The following MCF2L variants were observed in gnomAD, a reference collection of about 807,000 sequenced individuals.
The protein encoded by MCF2L is guanine nucleotide exchange factor DBS.
In MCF2L, 97 loss-of-function variants were observed where a neutral mutation model predicts 153.4. That is an observed-to-expected ratio of 0.63 (90% CI 0.54 to 0.75). MCF2L has a LOEUF of 0.75. Ranked by LOEUF, MCF2L falls within the 30% of genes least tolerant of loss-of-function variation. The pLI, the probability that MCF2L is intolerant of heterozygous loss-of-function variation, is 0.00. For synonymous variants in MCF2L, 659 were observed against 632.2 expected (o/e 1.04, Z -0.64); for missense variants, 1,347 against 1,495.2 (o/e 0.90, Z 1.64).
intron 26 of MCF2L, among the ~76,000 whole-genome samples, chr13:113,091,440 C>T (rs1002299134): frequency 9.2e-5 from 14 of 152,374 alleles, no homozygotes; most frequent in African/African-American, 3.1e-4. Context: ...CCCACCCCGT[C>T]GGTGGCTGCT....
At chr13:112,897,374 C>T (rs1330654349) in intron 1 of MCF2L, among the ~76,000 whole-genome samples, 1 of 152,150 alleles carries the variant, frequency 6.6e-6, no homozygotes, top group Non-Finnish European at 1.5e-5. Context: ...CCCCAGCCGG[C>T]TCTGCGGGGT....
chr13:113,044,477 C>CT (rs751050173), intron 3 of MCF2L: 450 of 664,778 alleles, frequency 6.8e-4, no homozygotes, highest in Non-Finnish European at 8.9e-4. Context: ...TCATGTAAAC[C>CT]TAGGACATGT....
intron 2 of MCF2L, among the ~76,000 whole-genome samples, chr13:112,912,505 CG>C (rs1469335218): frequency 1.3e-5 from 2 of 151,940 alleles, no homozygotes; most frequent in African/African-American, 4.8e-5. Flanking sequence ...TTAGTAGAGA[CG>C]GGGTTTCACC....
chr13:113,094,719 T>G (rs1595044029), intron 27 of MCF2L, 84 bp downstream of exon 27: 2 of 1,506,578 alleles, frequency 1.3e-6, no homozygotes, highest in East Asian at 4.7e-5. Flanking sequence ...CACCCAGGCT[T>G]GGGTCTTAGG....
At chr13:113,026,293 C>T (rs936269538) in intron 3 of MCF2L, among the ~76,000 whole-genome samples, 27 of 151,376 alleles carry the variant, frequency 1.8e-4, no homozygotes, top group African/African-American at 6.6e-4. Flanking sequence ...GTGGGGTCCC[C>T]GTGACTGCAG....
chr13:113,033,748 G>T (rs1355333671), intron 3 of MCF2L: 1 of 159,128 alleles, frequency 6.3e-6, no homozygotes, highest in Non-Finnish European at 1.5e-5. Context: ...GCCCTGAGTG[G>T]AAGCTCTGCC....
rs1213586828 is a variant in MCF2L at position 113,088,583 on chromosome 13, T to G, written c.2789T>G (p.Leu930Arg). The change falls in exon 25 of 30, where the codon CTG becomes CGG. Residue 930 changes from leucine (L) to arginine (R), a missense_variant. By Grantham distance (102) the Leu-to-Arg change is moderately radical (BLOSUM62 -2). Transcript: ENST00000535094. ...GCAGAAGCCAGCCAGCACCGGGCGC[T>G]GGAGCAGTCACAGAGCCTGCCCCTG... is the stretch of plus-strand genomic sequence containing the variant. ...ACREASQHRA[L>R]EQSQSLPLPA... 2 of 1,610,414 alleles carry G rather than the reference T, an allele frequency of 1.2e-6. No individual in the cohort carries two copies. The highest frequency in any genetic ancestry group is 2.7e-5 in the African/African-American group (2 of 74,950).
chr13:113,095,857 A>C, intron 27 of MCF2L: 1 of 962,108 alleles, frequency 1.0e-6, no homozygotes, highest in South Asian at 3.8e-5. Context: ...GCTGTGTGCC[A>C]GGCACAGTTC....
intron 2 of MCF2L, among the ~76,000 whole-genome samples, chr13:113,017,772 G>A (rs1448195801): frequency 2.0e-5 from 3 of 152,192 alleles, no homozygotes; most frequent in Non-Finnish European, 4.4e-5. Context: ...AGCTGGGTGA[G>A]GCCCCTCATT....
chr13:113,035,125 T>C lies in MCF2L; in HGVS notation c.279-10146T>C, dbSNP rs1012396061. ...ATTCCCGACGGGAACACTTGTGATA[T>C]TCACTTCCAACCACACGAGGGTGCA... On this transcript the variant is annotated intron_variant, in intron 3 of 29. Transcript: ENST00000535094. This position sits in a 1 kb window ranked among gnomAD's most constrained non-coding sequence, Gnocchi z 4.4. Among the ~76,000 whole-genome samples, 1 of 152,216 alleles carries C rather than the reference T, an allele frequency of 6.6e-6. No homozygotes were observed. The highest frequency in any genetic ancestry group is 1.5e-5 in the Non-Finnish European group (1 of 68,028).
At chr13:113,011,097 T>C (rs538457625) in intron 1 of MCF2L, among the ~76,000 whole-genome samples, 3 of 152,002 alleles carry the variant, frequency 2.0e-5, no homozygotes, top group African/African-American at 7.2e-5. Context: ...GCCCTGAAAA[T>C]CCCAGGGCCC....
At position 113,064,983 on chromosome 13, in the gene MCF2L, G is replaced by T; in HGVS notation, c.654G>T (p.Leu218=). ...TGGTGAAGCAGACGGCTCAGATGCTGCAGTCCTTCGGGACCGAGCTGGCTG... is the reference window on the plus strand; with the variant it reads ...TGGTGAAGCAGACGGCTCAGATGCTTCAGTCCTTCGGGACCGAGCTGGCTG... ...ALMVKQTAQM[L]QSFGTELAET... is the part of the protein sequence containing the mutation. Residue 218 remains leucine (L), a synonymous_variant, in exon 7 of 30, where the codon CTG becomes CTT. Transcript: ENST00000535094. This position sits in a 1 kb window ranked among gnomAD's most constrained non-coding sequence, Gnocchi z 6.0. The T allele has an allele frequency of 1.2e-6, 2 of 1,613,202 alleles. No homozygotes were observed. Among genetic ancestry groups the T allele is most frequent in the Non-Finnish European group, 1.7e-6 (2 of 1,180,010 alleles).
In MCF2L at chr13:112,931,706, G is replaced by A. The variant is rs552722698; in HGVS notation, c.169+29335G>A. 2.8e-4 allele frequency among the ~76,000 whole-genome samples: 42 copies of A among 152,244 alleles called. No homozygotes were observed. The South Asian group carries it at 8.3e-3, about 30-fold the overall frequency. ...AGCAACTGGGCTTCTTAGAGAAACC[G>A]CAGATTCCAGGATGGAGGCAGGAAG... On this transcript the variant is annotated intron_variant, in intron 2 of 29. Transcript: ENST00000375608.
chr13:112,916,913 A>G (rs887867244), intron 2 of MCF2L, among the ~76,000 whole-genome samples: 36 of 151,962 alleles, frequency 2.4e-4, no homozygotes, highest in Non-Finnish European at 3.5e-4. Context: ...TCTGCTCTGC[A>G]CCACATCCCT....
intron 2 of MCF2L, among the ~76,000 whole-genome samples, chr13:112,949,484 A>C (rs144043422): frequency 6.6e-6 from 1 of 152,202 alleles, no homozygotes; most frequent in East Asian, 1.9e-4. Context: ...CCATAACAAG[A>C]TATTGGTAAA....
intron 26 of MCF2L, chr13:113,091,241 A>G: frequency 7.7e-7 from 1 of 1,301,408 alleles, no homozygotes; most frequent in South Asian, 1.2e-5. Context: ...CGTTGGCAGG[A>G]AGCGCGGCCC....
chr13:113,060,984 G>A (rs1267477573), intron 5 of MCF2L, among the ~76,000 whole-genome samples: 2 of 148,834 alleles, frequency 1.3e-5, no homozygotes, highest in Non-Finnish European at 3.0e-5. Flanking sequence ...CCATCAGGAC[G>A]CGGGTCACGC....
Position 113,081,280 on chromosome 13 carries a change from G to A in MCF2L, c.1875+1G>A. 6.3e-7 allele frequency: 1 copy of A among 1,584,190 alleles called. No individual in the cohort carries two copies. The highest frequency in any genetic ancestry group is 8.6e-7 in the Non-Finnish European group (1 of 1,166,364). On this transcript the variant is annotated splice_donor_variant, in intron 16 of 29. Coordinates refer to ENST00000535094, the MANE Select transcript of MCF2L (RefSeq NM_001112732.3). LOFTEE classifies it high-confidence loss of function. The stretch of plus-strand genomic sequence containing the variant: ...GGAGGAGCTGCTGTGCGTCCTGGAG[G>A]TGAGGCTGGACTCGGGGAGGGCCGA...
intron 2 of MCF2L, among the ~76,000 whole-genome samples, chr13:112,954,783 T>C (rs913321368): frequency 2.0e-4 from 30 of 152,342 alleles, no homozygotes; most frequent in African/African-American, 7.2e-4. Flanking sequence ...GTGCTCCTAG[T>C]CGCTGCTTTG....
Sources: gnomAD v4.1 joint callset for allele counts (sites outside exome capture counted in the v4.1 genomes callset) on GRCh38, gnomAD v4.1.1 for gene constraint, Gnocchi (gnomAD v3.1) non-coding constraint, MANE v1.5 for transcripts, NCBI Gene and HGNC (gene_info 2026-07-23, HGNC 2026-07-21) for gene names.